The following SDCCAG8 variants were observed in gnomAD, a reference collection of about 807,000 sequenced individuals.
SDCCAG8 encodes the protein SHH signaling and ciliogenesis regulator SDCCAG8.
In SDCCAG8, 74 loss-of-function variants were observed where a neutral mutation model predicts 101.8. The observed-to-expected ratio is 0.73, with a 90% CI of 0.60 to 0.88. SDCCAG8 has a LOEUF of 0.88. Ranked by LOEUF, SDCCAG8 falls within the 40% of genes least tolerant of loss-of-function variation. The pLI, the probability that SDCCAG8 is intolerant of heterozygous loss-of-function variation, is 0.00. For synonymous variants in SDCCAG8, 281 were observed against 292.9 expected (o/e 0.96, Z 0.41); for missense variants, 787 against 822.6 (o/e 0.96, Z 0.53).
At chr1:243,314,319 G>T (rs2073043901) in intron 8 of SDCCAG8, among the ~76,000 whole-genome samples, 1 of 152,158 alleles carries the variant, frequency 6.6e-6, no homozygotes, top group African/African-American at 2.4e-5. Context: ...CTGTATATTG[G>T]AGTTTTATCT....
intron 13 of SDCCAG8, among the ~76,000 whole-genome samples, chr1:243,380,495 CAGAG>C (rs759384541): frequency 6.6e-6 from 1 of 152,068 alleles, no homozygotes; most frequent in Non-Finnish European, 1.5e-5. Context: ...CTGTCTTATT[CAGAG>C]AGTTAATTTC....
intron 1 of SDCCAG8, chr1:243,269,035 T>G (rs2067865526): frequency 6.5e-6 from 1 of 152,994 alleles, no homozygotes; most frequent in African/African-American, 2.4e-5. Context: ...TCTTTCTTCA[T>G]GGGGTCTCAG....
At chr1:243,272,406 C>T (rs533699972) in intron 3 of SDCCAG8, among the ~76,000 whole-genome samples, 1 of 152,280 alleles carries the variant, frequency 6.6e-6, no homozygotes, top group Admixed American at 6.5e-5. Context: ...ACTTCATATG[C>T]ATATTCTAAA....
chr1:243,404,779 C>T lies in SDCCAG8; in HGVS notation c.1617-10923C>T, dbSNP rs538026303. ...TATACATGCACATTGGATGTTTGAC[C>T]AAAGGCACACCATCTCAGCAATAAT... On this transcript the variant is annotated intron_variant, in intron 13 of 17. Transcript: ENST00000366541. Among the ~76,000 whole-genome samples the T allele has an allele frequency of 3.3e-5, 5 of 152,074 alleles. No homozygotes were observed. The South Asian group carries it at 1.0e-3, about 32-fold the overall frequency.
At chr1:243,456,569 A>C (rs549012644) in intron 16 of SDCCAG8, among the ~76,000 whole-genome samples, 1 of 152,310 alleles carries the variant, frequency 6.6e-6, no homozygotes, top group South Asian at 2.1e-4. Context: ...GTTTATTTTC[A>C]TATAAATACA....
chr1:243,489,258 G>A lies in SDCCAG8; in HGVS notation c.2112+118G>A, dbSNP rs760320042. 7.5e-4 allele frequency: 1,030 copies of A among 1,368,940 alleles called. 2 individuals carry two copies. Among genetic ancestry groups the A allele is most frequent in the Non-Finnish European group, 9.8e-4 (984 of 1,000,418 alleles). 84.8% of individuals were successfully genotyped at this position (1,368,940 alleles called of 1,614,324 possible). ...ATCACATCGGTTAGCAGTAAGCTGG[G>A]AGGGAGGTCCCGAAGACTGTGCTGG... On this transcript the variant is annotated intron_variant, in intron 17 of 17. Transcript: ENST00000366541.
intron 16 of SDCCAG8, among the ~76,000 whole-genome samples, chr1:243,469,984 C>T (rs1320484253): frequency 1.3e-5 from 2 of 149,944 alleles, no homozygotes; most frequent in African/African-American, 5.1e-5. Context: ...CCCTTTCCAC[C>T]CTTCTTTGTT....
chr1:243,394,075 C>T (rs537608672), intron 13 of SDCCAG8, among the ~76,000 whole-genome samples: 24 of 152,232 alleles, frequency 1.6e-4, no homozygotes, highest in African/African-American at 5.5e-4. Context: ...AGAGTTGGGA[C>T]GTTTGTATTA....
At chr1:243,498,311 T>C (rs1668543408) in intron 17 of SDCCAG8, among the ~76,000 whole-genome samples, 1 of 152,204 alleles carries the variant, frequency 6.6e-6, no homozygotes, top group South Asian at 2.1e-4. Context: ...ATGGCAGGGC[T>C]CTAGGGCATA....
chr1:243,365,803 A>G (rs4658395), intron 12 of SDCCAG8, among the ~76,000 whole-genome samples: 24,886 of 152,054 alleles, frequency 0.16, 2,783 homozygotes, highest in African/African-American at 0.32. Flanking sequence ...ACACTGAAAA[A>G]TTTTTGGCTT....
intron 17 of SDCCAG8, among the ~76,000 whole-genome samples, chr1:243,494,347 C>G (rs1667284044): frequency 6.6e-6 from 1 of 152,198 alleles, no homozygotes. Flanking sequence ...TCTTTCAAAA[C>G]TGTGTACAAG....
At position 243,432,494 on chromosome 1, in the gene SDCCAG8, A is replaced by G. The variant is rs151224503; in HGVS notation, c.1985+5936A>G. ...AATCTCCCATGATACAAGTTTACCT[A>G]TATAACATACCTGCACGTATACCCC... On this transcript the variant is annotated intron_variant, in intron 16 of 17. Coordinates refer to ENST00000366541, the MANE Select transcript of SDCCAG8 (RefSeq NM_006642.5). 3.3e-4 allele frequency among the ~76,000 whole-genome samples: 50 copies of G among 152,362 alleles called. 1 individual carries two copies. The highest frequency in any genetic ancestry group is 1.1e-3 in the African/African-American group (46 of 41,582).
At chr1:243,406,474 T>C (rs192340788) in intron 13 of SDCCAG8, among the ~76,000 whole-genome samples, 2 of 152,288 alleles carry the variant, frequency 1.3e-5, no homozygotes, top group Admixed American at 1.3e-4. Context: ...AAAGAAACCA[T>C]TACAGAAATT....
intron 17 of SDCCAG8, among the ~76,000 whole-genome samples, chr1:243,491,198 T>G (rs1388431520): frequency 6.6e-6 from 1 of 152,234 alleles, no homozygotes; most frequent in Non-Finnish European, 1.5e-5. Flanking sequence ...TCACCGATGC[T>G]TAGAAGCTTC....
chr1:243,302,879 G>A (rs1241002228), intron 6 of SDCCAG8, among the ~76,000 whole-genome samples: 1 of 152,210 alleles, frequency 6.6e-6, no homozygotes, highest in Non-Finnish European at 1.5e-5. Context: ...GAAAGTGTGA[G>A]AGGATTACAG....
chr1:243,344,444 G>A, intron 12 of SDCCAG8, 113 bp downstream of exon 12: 1 of 898,474 alleles, frequency 1.1e-6, no homozygotes. Flanking sequence ...TAACTAATGG[G>A]ATGATCCAGT....
intron 16 of SDCCAG8, among the ~76,000 whole-genome samples, chr1:243,444,072 T>C (rs2082729055): frequency 6.6e-6 from 1 of 152,194 alleles, no homozygotes; most frequent in Non-Finnish European, 1.5e-5. Context: ...CAAATGGTTA[T>C]TTGAAAGGAT....
chr1:243,321,010 A>G (rs1254042574), intron 9 of SDCCAG8, among the ~76,000 whole-genome samples: 2 of 152,096 alleles, frequency 1.3e-5, no homozygotes, highest in African/African-American at 2.4e-5. Context: ...CCTTGGTGCT[A>G]TTGACATTTT....
intron 9 of SDCCAG8, among the ~76,000 whole-genome samples, chr1:243,322,679 A>G (rs1041889981): frequency 6.6e-6 from 1 of 151,996 alleles, no homozygotes; most frequent in Non-Finnish European, 1.5e-5. Flanking sequence ...GGAAATTGCA[A>G]CTCAGTTCTC....
Sources: gnomAD v4.1 joint callset for allele counts (sites outside exome capture counted in the v4.1 genomes callset) on GRCh38, gnomAD v4.1.1 for gene constraint, MANE v1.5 for transcripts, NCBI Gene and HGNC (gene_info 2026-07-23, HGNC 2026-07-21) for gene names.